The following NKAIN3 variants were observed in gnomAD, a reference collection of about 807,000 sequenced individuals.
The protein encoded by NKAIN3 is sodium/potassium transporting ATPase interacting 3, also known as sodium/potassium-transporting ATPase subunit beta-1-interacting protein 3.
NKAIN3 carries 25 observed loss-of-function variants against 30.2 expected under a neutral mutation model. That is an observed-to-expected ratio of 0.83 (90% CI 0.60 to 1.16). The LOEUF is 1.16. Among genes scored for constraint, NKAIN3 ranks in the 50% most tolerant of loss-of-function variants. The pLI is 0.00. For synonymous variants in NKAIN3, 91 were observed against 89.6 expected (o/e 1.02, Z -0.09); for missense variants, 225 against 254.1 (o/e 0.89, Z 0.78).
chr8:62,412,440 A>G (rs1048722275), intron 1 of NKAIN3, among the ~76,000 whole-genome samples: 1 of 152,142 alleles, frequency 6.6e-6, no homozygotes, highest in Non-Finnish European at 1.5e-5. Flanking sequence ...TTAACTCGAA[A>G]TGGATCAAAT....
chr8:62,407,673 C>T (rs941367442), intron 1 of NKAIN3, among the ~76,000 whole-genome samples: 35 of 152,144 alleles, frequency 2.3e-4, no homozygotes, highest in African/African-American at 7.7e-4. Context: ...TCTCGTGATC[C>T]ACCCGCCTCA....
chr8:62,284,042 T>C (rs1289847298), intron 1 of NKAIN3, among the ~76,000 whole-genome samples: 1 of 152,150 alleles, frequency 6.6e-6, no homozygotes, highest in Non-Finnish European at 1.5e-5. Context: ...TATGAACTCT[T>C]CTTCCACTTT....
intron 1 of NKAIN3, among the ~76,000 whole-genome samples, chr8:62,335,993 A>T (rs2129590443): frequency 6.6e-6 from 1 of 152,154 alleles, no homozygotes; most frequent in South Asian, 2.1e-4. Flanking sequence ...ATATATTATG[A>T]TTTCTATAAG....
chr8:62,318,869 C>T (rs2129589213), intron 1 of NKAIN3, among the ~76,000 whole-genome samples: 1 of 152,194 alleles, frequency 6.6e-6, no homozygotes, highest in South Asian at 2.1e-4. Context: ...GGGAGGATTC[C>T]CTCTTTTTCT....
intron 1 of NKAIN3, among the ~76,000 whole-genome samples, chr8:62,476,849 C>T (rs1806536236): frequency 6.6e-6 from 1 of 152,126 alleles, no homozygotes. Context: ...TTGTCCCTGT[C>T]TCTTGCTTTA....
intron 1 of NKAIN3, among the ~76,000 whole-genome samples, chr8:62,407,728 G>A (rs1804119074): frequency 6.6e-6 from 1 of 152,164 alleles, no homozygotes; most frequent in African/African-American, 2.4e-5. Flanking sequence ...CCCGTGCCCA[G>A]CCTGACTAGA....
At chr8:62,918,561 C>A in intron 5 of NKAIN3, 48 bp downstream of exon 5, 1 of 1,280,668 alleles carries the variant, frequency 7.8e-7, no homozygotes, top group Non-Finnish European at 1.1e-6. Context: ...GAATGAGATA[C>A]AGCTTCCAAA....
At chr8:62,576,909 C>T (rs1381883644) in intron 1 of NKAIN3, among the ~76,000 whole-genome samples, 1 of 151,840 alleles carries the variant, frequency 6.6e-6, no homozygotes, top group Admixed American at 6.6e-5. Flanking sequence ...ATATTACAGT[C>T]AAGGGCAAAA....
intron 2 of NKAIN3, among the ~76,000 whole-genome samples, chr8:62,580,162 G>A (rs1810246642): frequency 6.6e-6 from 1 of 152,070 alleles, no homozygotes; most frequent in Admixed American, 6.5e-5. Flanking sequence ...ATGTATGGAT[G>A]GATATTTGGT....
At chr8:62,613,835 T>A (rs527977820) in intron 3 of NKAIN3, among the ~76,000 whole-genome samples, 243 of 152,266 alleles carry the variant, frequency 1.6e-3, no homozygotes, top group African/African-American at 5.4e-3. Context: ...CCAATTGCAT[T>A]TTTCATCTCC....
chr8:62,347,523 T>C (rs1418672604), intron 1 of NKAIN3, among the ~76,000 whole-genome samples: 1 of 151,958 alleles, frequency 6.6e-6, no homozygotes, highest in African/African-American at 2.4e-5. Context: ...TTAAGGAAGA[T>C]CAAAAAGTAG....
intron 1 of NKAIN3, among the ~76,000 whole-genome samples, chr8:62,352,870 T>C (rs1378672069): frequency 6.6e-6 from 1 of 152,094 alleles, no homozygotes; most frequent in Admixed American, 6.6e-5. Context: ...TTGGAAGAAA[T>C]ATTAGGTACC....
At chr8:62,370,356 C>T (rs1251016647) in intron 1 of NKAIN3, among the ~76,000 whole-genome samples, 2 of 151,932 alleles carry the variant, frequency 1.3e-5, no homozygotes, top group African/African-American at 2.4e-5. Flanking sequence ...TTCAGCCAGT[C>T]CTACGCGAAA....
rs996737841 is a variant in NKAIN3 at position 62,470,001 on chromosome 8, T to G, written c.55-109538T>G. 2.0e-5 allele frequency among the ~76,000 whole-genome samples: 3 copies of G among 152,310 alleles called. No individual in the cohort carries two copies. The East Asian group carries it at 5.8e-4, about 29-fold the overall frequency. On this transcript the variant is annotated intron_variant, in intron 1 of 6. Coordinates refer to ENST00000623646, the MANE Select transcript of NKAIN3 (RefSeq NM_001304533.3). ...TGGTATGCTTTGCAGCTCTCCCAAT[T>G]CCCCGCAGCCTCTTCTTTACTAATA...
At chr8:62,369,506 A>G (rs1438654002) in intron 1 of NKAIN3, among the ~76,000 whole-genome samples, 2 of 152,096 alleles carry the variant, frequency 1.3e-5, no homozygotes, top group African/African-American at 4.8e-5. Flanking sequence ...AAACATTCTA[A>G]ATGGTGGACA....
chr8:62,616,460 C>CCAAA (rs1811456786), intron 3 of NKAIN3, among the ~76,000 whole-genome samples: 1 of 152,084 alleles, frequency 6.6e-6, no homozygotes, highest in Non-Finnish European at 1.5e-5. Context: ...TCAGGAGCAG[C>CCAAA]CAAACGGAAG....
chr8:62,843,371 C>T (rs764205307), intron 4 of NKAIN3, among the ~76,000 whole-genome samples: 2 of 151,250 alleles, frequency 1.3e-5, no homozygotes, highest in African/African-American at 2.4e-5. Flanking sequence ...GAGTCTCATT[C>T]GGTCACCTAG....
chr8:62,963,447 A>C (rs935918482), intron 6 of NKAIN3, among the ~76,000 whole-genome samples: 7 of 152,182 alleles, frequency 4.6e-5, no homozygotes, highest in Admixed American at 3.9e-4. Context: ...CTAGAGGCAG[A>C]GCTGGTGTTA....
rs35150872 is a variant in NKAIN3, at chr8:62,965,620, T to TAAAAAAAAAAA, written c.*219_*229dup. 5.6e-6 allele frequency: 5 copies of TAAAAAAAAAAA among 886,508 alleles called. No individual in the cohort carries two copies. The highest frequency in any genetic ancestry group is 1.4e-4 in the Admixed American group (2 of 14,682). 54.9% of individuals were successfully genotyped at this position (886,508 alleles called of 1,614,324 possible). A position where few individuals can be genotyped will look rare whatever the true frequency, so the allele number is the denominator to read the frequency against. ...TTCTTATATGAACACTTGTAAGTTG[T>TAAAAAAAAAAA]AAAAAAAAAAAAAAAAGAAAAAACA... On this transcript the variant is annotated 3_prime_UTR_variant, in exon 7 of 7. Coordinates refer to ENST00000623646, the MANE Select transcript of NKAIN3 (RefSeq NM_001304533.3).
Sources: allele counts gnomAD v4.1 joint callset (sites outside exome capture counted in the v4.1 genomes callset), GRCh38; gene constraint gnomAD v4.1.1; transcripts MANE v1.5; gene names NCBI Gene and HGNC (gene_info 2026-07-23, HGNC 2026-07-21).